SCAPER: variants seen among roughly 807,000 people sequenced by gnomAD.
SCAPER encodes S-phase cyclin A associated protein in the ER, also known as S phase cyclin A-associated protein in the endoplasmic reticulum.
SCAPER carries 98 observed loss-of-function variants against 182.2 expected under a neutral mutation model. That is an observed-to-expected ratio of 0.54 (90% CI 0.46 to 0.64). The LOEUF (loss-of-function observed/expected upper bound fraction) is 0.64. SCAPER is among the 30% of genes least tolerant of loss of function. The probability of loss-of-function intolerance (pLI) is 0.00; values close to 1 mark genes in which losing one functional copy is unlikely to be tolerated. For synonymous variants in SCAPER, 605 were observed against 564.6 expected (o/e 1.07, Z -1.01); for missense variants, 1,432 against 1,690.0 (o/e 0.85, Z 2.68).
intron 5 of SCAPER, among the ~76,000 whole-genome samples, chr15:76,812,358 A>G (rs1431443229): frequency 6.6e-6 from 1 of 151,872 alleles, no homozygotes; most frequent in East Asian, 1.9e-4. Context: ...ACATGGTGGC[A>G]TGCGCCTGTA....
chr15:76,547,077 A>AT (rs1314680512), intron 23 of SCAPER, among the ~76,000 whole-genome samples: 1 of 152,084 alleles, frequency 6.6e-6, no homozygotes, highest in Non-Finnish European at 1.5e-5. Context: ...AGAAATGGAG[A>AT]TTTTGGGGTT....
intron 15 of SCAPER, among the ~76,000 whole-genome samples, chr15:76,747,465 G>A (rs1055236374): frequency 1.3e-5 from 2 of 151,992 alleles, no homozygotes; most frequent in Non-Finnish European, 2.9e-5. Context: ...CCACACCACT[G>A]CACTCCAGCC....
At chr15:76,586,876 G>A (rs971026956) in intron 22 of SCAPER, among the ~76,000 whole-genome samples, 9 of 151,812 alleles carry the variant, frequency 5.9e-5, no homozygotes, top group Admixed American at 1.3e-4. Flanking sequence ...CAGTAGAATT[G>A]GTACCAATTC....
At chr15:76,385,106 T>C (rs1359363865) in intron 27 of SCAPER, 1 of 152,202 alleles carries the variant, frequency 6.6e-6, no homozygotes. Context: ...AAAAGCTAGA[T>C]TCAATTAGGA....
chr15:76,871,572 CTTT>C (rs1178328861), intron 2 of SCAPER, among the ~76,000 whole-genome samples: 11 of 123,156 alleles, frequency 8.9e-5, no homozygotes, highest in Admixed American at 1.7e-4. Flanking sequence ...TTACAATTTG[CTTT>C]TTTTTTTTTT....
chr15:76,657,232 C>G (rs895476130), intron 21 of SCAPER, among the ~76,000 whole-genome samples: 3 of 151,996 alleles, frequency 2.0e-5, no homozygotes, highest in Non-Finnish European at 2.9e-5. Context: ...ACCAGCCCTA[C>G]AGAAATGTAA....
intron 26 of SCAPER, among the ~76,000 whole-genome samples, chr15:76,411,086 G>T (rs2045257015): frequency 1.3e-5 from 2 of 152,106 alleles, no homozygotes; most frequent in South Asian, 4.1e-4. Context: ...ATCACAGAAA[G>T]ATCCCTTGTT....
At chr15:76,638,961 G>T (rs1467746780) in intron 21 of SCAPER, among the ~76,000 whole-genome samples, 3 of 152,150 alleles carry the variant, frequency 2.0e-5, no homozygotes, top group Non-Finnish European at 4.4e-5. Context: ...TAAGAAGCTT[G>T]CTCAAGGTTA....
intron 17 of SCAPER, among the ~76,000 whole-genome samples, chr15:76,709,617 G>A (rs2059454470): frequency 6.6e-6 from 1 of 152,092 alleles, no homozygotes; most frequent in Admixed American, 6.6e-5. Flanking sequence ...TGGCTTTACT[G>A]GTAAATTCCC....
Position 76,882,883 on chromosome 15 carries a change from C to G in SCAPER, c.6+929G>C, listed in dbSNP as rs1179697050. 2.6e-5 allele frequency among the ~76,000 whole-genome samples: 4 copies of G among 152,260 alleles called. No individual in the cohort carries two copies. In the East Asian group the frequency reaches 5.8e-4, roughly 22 times the overall value. ...GTTTCACCGTGTTAGCCAGGATGGTCTCGGTCTCCTGACCTTGTGATCCGC... is the reference window on the plus strand; with the variant it reads ...GTTTCACCGTGTTAGCCAGGATGGTGTCGGTCTCCTGACCTTGTGATCCGC... On this transcript the variant is annotated intron_variant, in intron 2 of 31. Transcript: ENST00000563290.
chr15:76,787,501 T>A (rs558845101), intron 8 of SCAPER, among the ~76,000 whole-genome samples: 1 of 152,248 alleles, frequency 6.6e-6, no homozygotes, highest in East Asian at 1.9e-4. Context: ...TAATTTTTTA[T>A]TTTTAGTAAA....
At chr15:76,849,787 G>A (rs539672870) in intron 4 of SCAPER, among the ~76,000 whole-genome samples, 1 of 152,312 alleles carries the variant, frequency 6.6e-6, no homozygotes, top group Admixed American at 6.5e-5. Flanking sequence ...AAATACCCGA[G>A]ACAGGGTGAC....
At chr15:76,459,543 G>GTTT (rs57690324) in intron 25 of SCAPER, among the ~76,000 whole-genome samples, 69,687 of 143,728 alleles carry the variant, frequency 0.48, 17,972 homozygotes, top group Non-Finnish European at 0.58. Context: ...AATTATTAGG[G>GTTT]TTTTTTTTTT....
intron 29 of SCAPER, among the ~76,000 whole-genome samples, chr15:76,364,979 C>T (rs1288937022): frequency 6.6e-6 from 1 of 152,146 alleles, no homozygotes; most frequent in Non-Finnish European, 1.5e-5. Context: ...CATCTCAAAC[C>T]TCTGGCATAG....
At chr15:76,840,931 C>A (rs1265392219) in intron 5 of SCAPER, among the ~76,000 whole-genome samples, 1 of 152,120 alleles carries the variant, frequency 6.6e-6, no homozygotes, top group Non-Finnish European at 1.5e-5. Flanking sequence ...GATTGTTTAT[C>A]GTTAGCCATC....
chr15:76,722,232 T>C (rs963770446), intron 17 of SCAPER, among the ~76,000 whole-genome samples: 7 of 152,224 alleles, frequency 4.6e-5, no homozygotes, highest in African/African-American at 1.7e-4. Flanking sequence ...ATTACGTTTA[T>C]TGATTTGCGT....
chr15:76,832,274 T>C (rs2068551531), intron 5 of SCAPER, among the ~76,000 whole-genome samples: 1 of 152,154 alleles, frequency 6.6e-6, no homozygotes, highest in Non-Finnish European at 1.5e-5. Flanking sequence ...CATAGCCATT[T>C]TAAGAAAGAA....
chr15:76,859,393 A>G (rs1426871909), intron 3 of SCAPER, among the ~76,000 whole-genome samples: 6 of 152,374 alleles, frequency 3.9e-5, no homozygotes, highest in Admixed American at 1.3e-4. Flanking sequence ...TATCCAGCAG[A>G]AAAACCAGCT....
intron 1 of SCAPER, among the ~76,000 whole-genome samples, chr15:76,895,982 G>A (rs2074417226): frequency 6.6e-6 from 1 of 151,662 alleles, no homozygotes; most frequent in Non-Finnish European, 1.5e-5. Context: ...AGAGCTTGCA[G>A]TGAGCTGAGA....
Sources: allele counts gnomAD v4.1 joint callset (sites outside exome capture counted in the v4.1 genomes callset), GRCh38; gene constraint gnomAD v4.1.1; transcripts MANE v1.5; gene names NCBI Gene and HGNC (gene_info 2026-07-23, HGNC 2026-07-21).